The following C20orf96 variants were observed in gnomAD, a reference collection of about 807,000 sequenced individuals.
C20orf96 encodes the protein uncharacterized protein C20orf96.
C20orf96 carries 57 observed loss-of-function variants against 52.6 expected under a neutral mutation model. That is an observed-to-expected ratio of 1.08 (90% CI 0.88 to 1.35). C20orf96 has a LOEUF of 1.35. Among genes scored for constraint, C20orf96 ranks in the 40% most tolerant of loss-of-function variants. The pLI is 0.00. For synonymous variants in C20orf96, 168 were observed against 157.2 expected, an observed-to-expected ratio of 1.07 and a Z score of -0.51; for missense variants, 478 against 443.6, an observed-to-expected ratio of 1.08 and a Z score of -0.70.
chr20:283,934 C>T, intron 4 of C20orf96, 29 bp downstream of exon 4: 1 of 1,477,576 alleles, frequency 6.8e-7, no homozygotes, highest in Admixed American at 1.7e-5. Context: ...TGTCCTGGGC[C>T]CAGTGTCCAG....
chr20:290,563 ATTTT>A (rs750461479), intron 1 of C20orf96, 24 bp downstream of exon 1: 272 of 1,306,012 alleles, frequency 2.1e-4, no homozygotes, highest in Admixed American at 6.5e-4. Context: ...CTTTCTTCCA[ATTTT>A]TTTTTTTTTT....
chr20:277,006 C>A (rs746226478), intron 8 of C20orf96, 38 bp downstream of exon 8: 1 of 1,598,516 alleles, frequency 6.3e-7, no homozygotes, highest in East Asian at 2.2e-5. Flanking sequence ...GGGGGTGAGA[C>A]CTGGATCCCC....
chr20:277,060 A>G lies in C20orf96; in HGVS notation c.809T>C (p.Leu270Pro), dbSNP rs752350964. ...GCTACTCACCGCCACCACAGAACTC[A>G]GAATTTTTTTCTTCTTCTTCTGAAT... ...DKIQKKKKKI[L>P]SSVVAETQRP... The change falls in exon 8 of 11, where the codon CTG (leucine) becomes CCG (proline). Residue 270 changes from leucine to proline, a missense_variant. Coordinates refer to ENST00000360321, the MANE Select transcript of C20orf96 (RefSeq NM_153269.3). 1.4e-5 allele frequency: 23 copies of G among 1,613,668 alleles called. No homozygotes were observed. Among genetic ancestry groups the G allele is most frequent in the Non-Finnish European group, 1.9e-5 (23 of 1,179,766 alleles).
At chr20:280,487 C>G (rs1348922087) in intron 4 of C20orf96, among the ~76,000 whole-genome samples, 1 of 152,242 alleles carries the variant, frequency 6.6e-6, no homozygotes, top group East Asian at 1.9e-4. Context: ...TATCTGTTCA[C>G]CCTCCAACAG....
chr20:271,756 T>C (rs967421803), intron 10 of C20orf96, among the ~76,000 whole-genome samples: 8 of 152,212 alleles, frequency 5.3e-5, no homozygotes, highest in African/African-American at 1.9e-4. Context: ...AGTTTCCTCA[T>C]CTGTCAAATG....
intron 3 of C20orf96, among the ~76,000 whole-genome samples, chr20:288,114 AT>A (rs1279560479): frequency 9.7e-6 from 1 of 103,502 alleles, no homozygotes; most frequent in Non-Finnish European, 2.1e-5. Flanking sequence ...TTTCTATTTT[AT>A]TTTATCTTTG....
At chr20:271,458 A>T (rs563302758) in intron 10 of C20orf96, among the ~76,000 whole-genome samples, 191 bp from the exon 11 acceptor site, 1 of 148,612 alleles carries the variant, frequency 6.7e-6, no homozygotes, top group East Asian at 2.0e-4. Flanking sequence ...ACACACACAC[A>T]CACACACACA....
intron 4 of C20orf96, among the ~76,000 whole-genome samples, chr20:282,250 C>A (rs1213314020): frequency 6.6e-6 from 1 of 152,156 alleles, no homozygotes; most frequent in Non-Finnish European, 1.5e-5. Flanking sequence ...GCCTCCAGCC[C>A]CCTAACCTTA....
chr20:271,822 C>A (rs1273351259), intron 10 of C20orf96, among the ~76,000 whole-genome samples: 1 of 152,198 alleles, frequency 6.6e-6, no homozygotes, highest in Non-Finnish European at 1.5e-5. Flanking sequence ...ACCATGCCAG[C>A]AGGTAATAAG....
At chr20:278,772 T>G (rs1482940046) in intron 5 of C20orf96, among the ~76,000 whole-genome samples, 2 of 146,684 alleles carry the variant, frequency 1.4e-5, no homozygotes, top group African/African-American at 5.1e-5. Flanking sequence ...ACTAAAAGTC[T>G]CCCGGCCAGT....
Position 276,992 on chromosome 20 carries a change from G to C in C20orf96, c.825+52C>G, listed in dbSNP as rs1343080121. ...GAGGCAGAGGATGGGGAAGAGGGCG[G>C]GGTGGGGGTGAGACCTGGATCCCCG... On this transcript the variant is annotated intron_variant, in intron 8 of 10. Coordinates refer to ENST00000360321, the MANE Select transcript of C20orf96 (RefSeq NM_153269.3). 4 of 1,595,092 alleles carry C rather than the reference G, an allele frequency of 2.5e-6. No individual in the cohort carries two copies. In the African/African-American group the frequency reaches 5.4e-5, roughly 21 times the overall value.
intron 10 of C20orf96, among the ~76,000 whole-genome samples, chr20:274,794 GCTTT>G (rs1211147896): frequency 1.3e-5 from 2 of 150,944 alleles, no homozygotes; most frequent in African/African-American, 4.9e-5. Context: ...CCTAACAGTT[GCTTT>G]CTTTTTTCTT....
rs750846591 is a variant in C20orf96 at position 284,009 on chromosome 20, C to T, written c.260G>A (p.Arg87Gln). ...ATGCATCTTCCCAGGGTCCAACTTC[C>T]GCCTTCTATGTAGTTCTCTTGGATT... ...PKNPRELHRR[R>Q]KLDPGKMHAK... Residue 87 changes from arginine (R) to glutamine (Q), a missense_variant, in exon 4 of 11, where the codon CGG (arginine) becomes CAG (glutamine). Coordinates refer to ENST00000360321, the MANE Select transcript of C20orf96 (RefSeq NM_153269.3). 53 of 1,614,070 alleles carry T rather than the reference C, an allele frequency of 3.3e-5. No individual in the cohort carries two copies. The Middle Eastern group carries it at 4.9e-4, about 15-fold the overall frequency.
chr20:286,356 A>G (rs2012384934), intron 3 of C20orf96, among the ~76,000 whole-genome samples: 1 of 152,034 alleles, frequency 6.6e-6, no homozygotes. Flanking sequence ...ATCTCTACTA[A>G]AAATACAAAA....
At chr20:280,267 A>G (rs2012218064) in intron 4 of C20orf96, among the ~76,000 whole-genome samples, 2 of 127,076 alleles carry the variant, frequency 1.6e-5, no homozygotes, top group African/African-American at 6.0e-5. Context: ...TAAAACCTAC[A>G]GTAACAATAA....
At chr20:271,477 C>T (rs1243569181) in intron 10 of C20orf96, among the ~76,000 whole-genome samples, 2 of 149,950 alleles carry the variant, frequency 1.3e-5, no homozygotes, top group East Asian at 1.9e-4. Flanking sequence ...CACACACACA[C>T]ACATACACAC....
intron 4 of C20orf96, among the ~76,000 whole-genome samples, chr20:283,002 C>T (rs375182410): frequency 5.9e-5 from 9 of 152,060 alleles, no homozygotes; most frequent in African/African-American, 1.9e-4. Context: ...TTATATTTTC[C>T]CTTGTTCTTT....
chr20:285,032 T>C (rs73891915), intron 3 of C20orf96, among the ~76,000 whole-genome samples: 8,543 of 152,246 alleles, frequency 0.056, 796 homozygotes, highest in African/African-American at 0.19. Context: ...GAAGTTACTA[T>C]ACCTTAAAGG....
In C20orf96 at chr20:277,381, G is replaced by T. The variant is rs777842535; in HGVS notation, c.568C>A (p.Leu190Ile). The change falls in exon 7 of 11, where the codon CTT becomes ATT. Residue 190 changes from leucine to isoleucine, a missense_variant and splice_region_variant. Physicochemically the swap from Leu to Ile is conservative, Grantham distance 5. Coordinates refer to ENST00000360321, the MANE Select transcript of C20orf96 (RefSeq NM_153269.3). The stretch of plus-strand genomic sequence containing the variant: ...TTCAGCTGCTCTGCCTGCTGCTCAA[G>T]ATCTGGGGAGGGGTTAGGGAGGTCA... ...EEKKKCKMSY[L>I]EQQAEQLNAK... 5 of 1,613,580 alleles carry T rather than the reference G, an allele frequency of 3.1e-6. No homozygotes were observed. Among genetic ancestry groups the T allele is most frequent in the Non-Finnish European group, 4.2e-6 (5 of 1,180,012 alleles).
Sources: allele counts gnomAD v4.1 joint callset (sites outside exome capture counted in the v4.1 genomes callset), GRCh38; gene constraint gnomAD v4.1.1; transcripts MANE v1.5; gene names NCBI Gene and HGNC (gene_info 2026-07-23, HGNC 2026-07-21).